The following AKAP1 variants were observed in gnomAD, a reference collection of about 807,000 sequenced individuals.
AKAP1 encodes A-kinase anchoring protein 1.
AKAP1 carries 32 observed loss-of-function variants against 79.8 expected under a neutral mutation model. The ratio of observed to expected loss-of-function variants is 0.40; its 90% confidence interval spans 0.30 to 0.54. The LOEUF (loss-of-function observed/expected upper bound fraction) is 0.54, where lower values mean the gene tolerates loss of function less well. Among genes scored for constraint, AKAP1 ranks in the 20% least tolerant of loss-of-function variants. AKAP1 has a pLI of 0.47. For synonymous variants in AKAP1, 416 were observed against 466.7 expected (o/e 0.89, Z 1.40); for missense variants, 961 against 1,138.9 (o/e 0.84, Z 2.25).
Position 57,114,325 on chromosome 17 carries a change from T to C in AKAP1, c.2104-134T>C. On this transcript the variant is annotated intron_variant, in intron 5 of 10. Transcript: ENST00000337714. The stretch of plus-strand genomic sequence containing the variant: ...AAGTAGTCCTTCAACCTCTACCTTC[T>C]GGGTGCCATGTTGTCTTGAGTTGCC... 5 of 1,053,768 alleles carry C rather than the reference T, an allele frequency of 4.7e-6. No individual in the cohort carries two copies. The South Asian group carries it at 6.2e-5, about 13-fold the overall frequency. The allele number at this position is 1,053,768 out of a possible 1,614,324, so 65.3% of individuals were successfully genotyped here.
chr17:57,097,512 G>T (rs776881049), intron 1 of AKAP1, among the ~76,000 whole-genome samples: 1 of 152,222 alleles, frequency 6.6e-6, no homozygotes, highest in Non-Finnish European at 1.5e-5. Context: ...GATTTTCCTC[G>T]ACCAAACTCC....
intron 3 of AKAP1, among the ~76,000 whole-genome samples, chr17:57,110,623 C>G (rs1457120723): frequency 1.3e-5 from 2 of 152,196 alleles, no homozygotes; most frequent in African/African-American, 4.8e-5. Context: ...AGCTCTAATC[C>G]TACCCTTGAG....
intron 1 of AKAP1, among the ~76,000 whole-genome samples, chr17:57,102,113 A>T (rs987962578): frequency 9.9e-5 from 15 of 152,060 alleles, no homozygotes; most frequent in South Asian, 2.1e-4. Context: ...TTGAAAAAAA[A>T]TTTTTTAAGG....
At chr17:57,096,436 C>G (rs1597964204) in intron 1 of AKAP1, 1 of 152,296 alleles carries the variant, frequency 6.6e-6, no homozygotes, top group Non-Finnish European at 1.5e-5. Flanking sequence ...ACAAAGTGTG[C>G]TGGTCTGGTG....
At chr17:57,095,485 T>TTTTTC (rs1567898364) in intron 1 of AKAP1, 2 of 138,182 alleles carry the variant, frequency 1.4e-5, no homozygotes, top group Non-Finnish European at 1.6e-5. Context: ...TTTTTTTTTT[T>TTTTTC]CTTCTGCCCT....
At chr17:57,096,492 G>C (rs1390015583) in intron 1 of AKAP1, 1 of 152,330 alleles carries the variant, frequency 6.6e-6, no homozygotes. Context: ...AATGGAGGGT[G>C]GGGGACAGTC....
intron 1 of AKAP1, 50 bp from the exon 2 acceptor site, chr17:57,105,391 C>T (rs747579238): frequency 6.4e-6 from 10 of 1,567,402 alleles, no homozygotes; most frequent in Non-Finnish European, 7.9e-6. Context: ...CCAGTATCCT[C>T]CTACCTGGCT....
chr17:57,114,667 G>A (rs1915471699), intron 6 of AKAP1, 31 bp downstream of exon 6: 2 of 1,589,150 alleles, frequency 1.3e-6, no homozygotes, highest in Non-Finnish European at 1.7e-6. Flanking sequence ...TCGGGAAGGG[G>A]GACCCCTGGG....
intron 2 of AKAP1, 138 bp from the exon 3 acceptor site, chr17:57,109,887 G>T (rs961746872): frequency 5.2e-6 from 6 of 1,152,742 alleles, no homozygotes; most frequent in Admixed American, 4.3e-5. Context: ...TAGACTGTAA[G>T]TTGACAGTCA....
At chr17:57,088,025 C>T (rs898006918) in intron 1 of AKAP1, among the ~76,000 whole-genome samples, 13 of 152,180 alleles carry the variant, frequency 8.5e-5, no homozygotes, top group Non-Finnish European at 1.9e-4. Flanking sequence ...TTGTCATTCT[C>T]AGGCGTTTTC....
Position 57,111,816 on chromosome 17 carries a change from A to G in AKAP1, c.1867A>G (p.Ile623Val). The change falls in exon 4 of 11, where the codon ATT (isoleucine) becomes GTT (valine). Residue 623 changes from isoleucine to valine, a missense_variant. Physicochemically the swap from Ile to Val is conservative, Grantham distance 29 (BLOSUM62 3). Transcript: ENST00000337714. ...CTGGAAGCACTTAGTCGGTCGGCTA[A>G]TTGGCAAGCAGGGGCGCTATGTGAG... Reference protein sequence around the residue: ...EVPKHLVGRLIGKQGRYVSFL... With the variant: ...EVPKHLVGRLVGKQGRYVSFL... The G allele has an allele frequency of 6.2e-7, 1 of 1,614,074 alleles. No individual in the cohort carries two copies. The highest frequency in any genetic ancestry group is 8.5e-7 in the Non-Finnish European group (1 of 1,180,026).
chr17:57,110,874 A>G (rs562413907), intron 3 of AKAP1, among the ~76,000 whole-genome samples: 5 of 152,174 alleles, frequency 3.3e-5, no homozygotes, highest in African/African-American at 4.8e-5. Context: ...AACTTACAAC[A>G]TATTAGCTTG....
intron 3 of AKAP1, among the ~76,000 whole-genome samples, chr17:57,111,453 A>C (rs541347316): frequency 1.3e-5 from 2 of 152,314 alleles, no homozygotes; most frequent in East Asian, 3.9e-4. Flanking sequence ...CTGCCTTTGC[A>C]GCTTTCCGGG....
chr17:57,117,392 A>T (rs1915652787), intron 8 of AKAP1, among the ~76,000 whole-genome samples: 2 of 152,140 alleles, frequency 1.3e-5, no homozygotes, highest in African/African-American at 4.8e-5. Context: ...CTCAATTTTC[A>T]CCCCAGAACA....
At chr17:57,108,021 G>A (rs1308973406) in intron 2 of AKAP1, 12 of 1,279,222 alleles carry the variant, frequency 9.4e-6, no homozygotes, top group Admixed American at 4.7e-5. Flanking sequence ...TGACCCCAGC[G>A]TAGACAGTTC....
chr17:57,109,463 G>A (rs1446213416), intron 2 of AKAP1, among the ~76,000 whole-genome samples: 1 of 152,236 alleles, frequency 6.6e-6, no homozygotes, highest in South Asian at 2.1e-4. Context: ...GCAGAGGAAC[G>A]AGCGGGTCCC....
chr17:57,095,344 T>A (rs1230289095), intron 1 of AKAP1: 1 of 152,066 alleles, frequency 6.6e-6, no homozygotes, highest in Admixed American at 6.6e-5. Flanking sequence ...AAAAAATTTT[T>A]TTTTTGTAGA....
At chr17:57,107,575 G>T (rs1914973549) in intron 2 of AKAP1, among the ~76,000 whole-genome samples, 1 of 152,146 alleles carries the variant, frequency 6.6e-6, no homozygotes, top group Admixed American at 6.6e-5. Context: ...GGGCTCAAGT[G>T]ATCCTTCCGC....
chr17:57,086,506 C>G lies in AKAP1; in HGVS notation c.-25+1108C>G, dbSNP rs966991756. The stretch of plus-strand genomic sequence containing the variant: ...CTGGGTGGCGGCGCCTTCCTGCCGC[C>G]GTTAACACAAACCCGGTGGACTTCG... On this transcript the variant is annotated intron_variant, in intron 1 of 10. Transcript: ENST00000337714. This position sits in a 1 kb window ranked among gnomAD's most constrained non-coding sequence, Gnocchi z 5.1. The G allele has an allele frequency of 2.2e-6, 1 of 450,880 alleles. No individual in the cohort carries two copies. The highest frequency in any genetic ancestry group is 4.4e-6 in the Non-Finnish European group (1 of 224,730). The allele number at this position is 450,880 out of a possible 1,614,324, so 27.9% of individuals were successfully genotyped here.
Sources: gnomAD v4.1 joint callset for allele counts (sites outside exome capture counted in the v4.1 genomes callset) on GRCh38, gnomAD v4.1.1 for gene constraint, Gnocchi (gnomAD v3.1) non-coding constraint, MANE v1.5 for transcripts, NCBI Gene and HGNC (gene_info 2026-07-23, HGNC 2026-07-21) for gene names.